DPYD: variants seen among roughly 807,000 people sequenced by gnomAD.
DPYD encodes dihydropyrimidine dehydrogenase [NADP(+)].
In DPYD, 109 loss-of-function variants were observed where a neutral mutation model predicts 116.2. The observed-to-expected ratio is 0.94, with a 90% CI of 0.80 to 1.10. The LOEUF (loss-of-function observed/expected upper bound fraction) is 1.10. Ranked by LOEUF, DPYD falls within the 50% of genes least tolerant of loss-of-function variation. DPYD has a pLI of 0.00. For synonymous variants in DPYD, 440 were observed against 432.0 expected, an observed-to-expected ratio of 1.02 and a Z score of -0.23; for missense variants, 1,302 against 1,254.5, an observed-to-expected ratio of 1.04 and a Z score of -0.57.
At chr1:97,801,499 ATATATAG>A (rs1667843156) in intron 3 of DPYD, among the ~76,000 whole-genome samples, 1 of 151,936 alleles carries the variant, frequency 6.6e-6, no homozygotes, top group African/African-American at 2.4e-5. Context: ...AAAATGTAAG[ATATATAG>A]TATATTAGAT....
intron 8 of DPYD, among the ~76,000 whole-genome samples, chr1:97,597,687 G>T (rs1044510665): frequency 6.6e-6 from 1 of 152,162 alleles, no homozygotes; most frequent in Non-Finnish European, 1.5e-5. Context: ...ACAAAATTGT[G>T]GTTTCCCTGA....
At chr1:97,175,382 C>T (rs1278998441) in intron 20 of DPYD, among the ~76,000 whole-genome samples, 1 of 152,112 alleles carries the variant, frequency 6.6e-6, no homozygotes, top group Non-Finnish European at 1.5e-5. Context: ...GGACAGACTA[C>T]CAAAATTATG....
intron 13 of DPYD, among the ~76,000 whole-genome samples, chr1:97,455,329 A>T (rs1402942096): frequency 1.3e-5 from 2 of 151,966 alleles, no homozygotes; most frequent in Non-Finnish European, 2.9e-5. Context: ...AAAACCTGTA[A>T]CTGAAATCGA....
chr1:97,454,403 A>G (rs979521123), intron 13 of DPYD, among the ~76,000 whole-genome samples: 31 of 152,024 alleles, frequency 2.0e-4, no homozygotes, highest in Admixed American at 1.1e-3. Flanking sequence ...TTTAATGGCT[A>G]AGTCTTATTA....
At chr1:97,584,473 G>T (rs1653938859) in intron 10 of DPYD, among the ~76,000 whole-genome samples, 1 of 152,006 alleles carries the variant, frequency 6.6e-6, no homozygotes, top group African/African-American at 2.4e-5. Flanking sequence ...TTTTAGACAT[G>T]AAGTCCTTGC....
chr1:97,818,600 T>C (rs906804525), intron 3 of DPYD, among the ~76,000 whole-genome samples: 1 of 152,032 alleles, frequency 6.6e-6, no homozygotes, highest in Non-Finnish European at 1.5e-5. Context: ...GCTAATATAA[T>C]TGTTTTCTTC....
chr1:97,098,689 G>A, intron 20 of DPYD, 57 bp from the exon 21 acceptor site: 1 of 1,581,994 alleles, frequency 6.3e-7, no homozygotes, highest in East Asian at 2.3e-5. Flanking sequence ...AGAAAAATGG[G>A]AAGATATAAA....
At chr1:97,250,805 C>T (rs973769059) in intron 18 of DPYD, among the ~76,000 whole-genome samples, 5 of 152,258 alleles carry the variant, frequency 3.3e-5, no homozygotes, top group East Asian at 1.9e-4. Context: ...CCCAAGAGAA[C>T]TTTCTGGTGT....
At chr1:97,439,497 A>G (rs1345047898) in intron 14 of DPYD, among the ~76,000 whole-genome samples, 1 of 152,206 alleles carries the variant, frequency 6.6e-6, no homozygotes, top group Admixed American at 6.5e-5. Flanking sequence ...TAATTCATTT[A>G]CATAATGTTG....
chr1:97,315,154 A>G (rs981517507), intron 16 of DPYD, among the ~76,000 whole-genome samples: 2 of 151,998 alleles, frequency 1.3e-5, no homozygotes, highest in Non-Finnish European at 2.9e-5. Context: ...GGCAACTGCA[A>G]CAGACACAGA....
chr1:97,763,966 T>C (rs961191369), intron 3 of DPYD, among the ~76,000 whole-genome samples: 2 of 152,100 alleles, frequency 1.3e-5, no homozygotes, highest in Admixed American at 1.3e-4. Flanking sequence ...TAACAGTTAC[T>C]ACATATTTTA....
intron 18 of DPYD, among the ~76,000 whole-genome samples, chr1:97,254,662 AGTGGATGACACATCCCT>A (rs1663333153): frequency 6.6e-6 from 1 of 152,190 alleles, no homozygotes. Context: ...CATTAAACAG[AGTGGATGACACATCCCT>A]GTATAAAACC....
chr1:97,440,921 T>C (rs1675757344), intron 14 of DPYD, among the ~76,000 whole-genome samples: 1 of 152,188 alleles, frequency 6.6e-6, no homozygotes, highest in Non-Finnish European at 1.5e-5. Flanking sequence ...TTTATTTCAC[T>C]TATATTTTTA....
intron 14 of DPYD, among the ~76,000 whole-genome samples, chr1:97,437,464 T>C (rs1277042403): frequency 6.6e-6 from 1 of 151,944 alleles, no homozygotes; most frequent in Non-Finnish European, 1.5e-5. Context: ...AAATATGAGT[T>C]AGTCCCAGGT....
At chr1:97,709,149 T>A (rs114970958) in intron 5 of DPYD, among the ~76,000 whole-genome samples, 1 of 151,872 alleles carries the variant, frequency 6.6e-6, no homozygotes, top group Non-Finnish European at 1.5e-5. Context: ...GCATTTGTAT[T>A]CTTTTTAAGG....
At position 97,455,469 on chromosome 1, in the gene DPYD, T is replaced by C. The variant is rs536523890; in HGVS notation, c.1741-5246A>G. 5.3e-5 allele frequency among the ~76,000 whole-genome samples: 8 copies of C among 152,056 alleles called. No homozygotes were observed. In the South Asian group the frequency reaches 8.3e-4, roughly 16 times the overall value. On this transcript the variant is annotated intron_variant, in intron 13 of 22. Coordinates refer to ENST00000370192, the MANE Select transcript of DPYD (RefSeq NM_000110.4). ...ATGTACTTCATGACCAACTGTTTCCTAAAATATATCACTTTCCTAATAAAA... is the reference window on the plus strand; with the variant it reads ...ATGTACTTCATGACCAACTGTTTCCCAAAATATATCACTTTCCTAATAAAA...
intron 13 of DPYD, among the ~76,000 whole-genome samples, chr1:97,468,431 G>C (rs991396666): frequency 6.6e-6 from 1 of 152,098 alleles, no homozygotes; most frequent in African/African-American, 2.4e-5. Flanking sequence ...GAGACCCCTA[G>C]AGAGACCCCT....
chr1:97,385,965 G>A (rs1035508531), intron 14 of DPYD, among the ~76,000 whole-genome samples: 3 of 152,094 alleles, frequency 2.0e-5, no homozygotes, highest in Non-Finnish European at 4.4e-5. Context: ...CACTACAATT[G>A]GACTTGATGA....
chr1:97,844,763 G>C (rs1670208918), intron 2 of DPYD, among the ~76,000 whole-genome samples: 2 of 152,202 alleles, frequency 1.3e-5, no homozygotes, highest in Admixed American at 1.3e-4. Context: ...CAGCCACCCA[G>C]CTGTGGCTCC....
Sources: allele counts gnomAD v4.1 joint callset (sites outside exome capture counted in the v4.1 genomes callset), GRCh38; gene constraint gnomAD v4.1.1; transcripts MANE v1.5; gene names NCBI Gene and HGNC (gene_info 2026-07-23, HGNC 2026-07-21).